Variants in RABGAP1L observed in about 807,000 individuals in gnomAD.
The protein encoded by RABGAP1L is rab GTPase-activating protein 1-like.
RABGAP1L carries 63 observed loss-of-function variants against 137.7 expected under a neutral mutation model. That is an observed-to-expected ratio of 0.46 (90% CI 0.37 to 0.56). RABGAP1L has a LOEUF of 0.56. Among genes scored for constraint, RABGAP1L ranks in the 20% least tolerant of loss-of-function variants. The probability of loss-of-function intolerance (pLI) is 0.00; values close to 1 mark genes in which losing one functional copy is unlikely to be tolerated. For synonymous variants in RABGAP1L, 431 were observed against 433.7 expected (o/e 0.99, Z 0.08); for missense variants, 1,095 against 1,244.0 (o/e 0.88, Z 1.80).
At position 174,443,537 on chromosome 1, in the gene RABGAP1L, A is replaced by G. The variant is rs147493665; in HGVS notation, c.1710+49392A>G. Among the ~76,000 whole-genome samples the G allele has an allele frequency of 1.7e-3, 260 of 152,054 alleles. 2 individuals are homozygous for G. The highest frequency in any genetic ancestry group is 2.2e-3 in the Non-Finnish European group (151 of 67,842). ...CTATGTCCTCCTGTGAGAAATGTCT[A>G]TTCAGATCTTTTGCTGACTTTTTAA... is the stretch of plus-strand genomic sequence containing the variant. On this transcript the variant is annotated intron_variant, in intron 13 of 25. Coordinates refer to ENST00000681986, the MANE Select transcript of RABGAP1L (RefSeq NM_001366446.1).
At chr1:174,780,307 A>C (rs1183050619) in intron 18 of RABGAP1L, among the ~76,000 whole-genome samples, 1 of 151,908 alleles carries the variant, frequency 6.6e-6, no homozygotes, top group Non-Finnish European at 1.5e-5. Context: ...GATGATTCCA[A>C]CCTCACCATG....
chr1:174,795,448 C>A lies in RABGAP1L; in HGVS notation c.2212-16384C>A, dbSNP rs562952238. 2.6e-5 allele frequency among the ~76,000 whole-genome samples: 4 copies of A among 152,214 alleles called. No individual in the cohort carries two copies. In the East Asian group the frequency reaches 7.7e-4, roughly 29 times the overall value. On this transcript the variant is annotated intron_variant, in intron 18 of 25. Transcript: ENST00000681986. Reference sequence around the variant, plus strand: ...CTAGTCTTTATCTGTCATAAGTTTCCCCATATATTTGCCTTCCTACAATTT... The same window carrying A: ...CTAGTCTTTATCTGTCATAAGTTTCACCATATATTTGCCTTCCTACAATTT...
chr1:174,640,045 A>G (rs1553223193), intron 14 of RABGAP1L, among the ~76,000 whole-genome samples: 1 of 152,200 alleles, frequency 6.6e-6, no homozygotes, highest in Non-Finnish European at 1.5e-5. Context: ...AGAAAACAAA[A>G]TTACATTAGA....
intron 11 of RABGAP1L, among the ~76,000 whole-genome samples, chr1:174,315,382 G>T (rs1225961017): frequency 6.6e-6 from 1 of 151,988 alleles, no homozygotes; most frequent in African/African-American, 2.4e-5. Flanking sequence ...GTCTATATGT[G>T]TCCGTGTAGG....
intron 24 of RABGAP1L, among the ~76,000 whole-genome samples, chr1:174,984,667 A>G (rs886340641): frequency 7.9e-5 from 12 of 152,314 alleles, no homozygotes; most frequent in Middle Eastern, 3.4e-3. Flanking sequence ...ACTTGAACCC[A>G]GGAGGCAGAG....
intron 13 of RABGAP1L, among the ~76,000 whole-genome samples, chr1:174,560,706 C>A (rs1667155224): frequency 6.6e-6 from 1 of 152,060 alleles, no homozygotes; most frequent in Admixed American, 6.5e-5. Flanking sequence ...TTTGGCCATC[C>A]TCCCCTTCGC....
At chr1:174,848,486 A>C (rs1428841679) in intron 19 of RABGAP1L, among the ~76,000 whole-genome samples, 23 of 148,152 alleles carry the variant, frequency 1.6e-4, no homozygotes, top group East Asian at 3.9e-4. Context: ...AATACCCTGC[A>C]GTGTGAGGTG....
At chr1:174,942,059 T>C (rs950706565) in intron 19 of RABGAP1L, among the ~76,000 whole-genome samples, 1 of 152,200 alleles carries the variant, frequency 6.6e-6, no homozygotes, top group Non-Finnish European at 1.5e-5. Context: ...ATAGGGACAC[T>C]GGGAGCCAAT....
intron 13 of RABGAP1L, among the ~76,000 whole-genome samples, chr1:174,585,511 A>G (rs1481266207): frequency 6.6e-6 from 1 of 152,250 alleles, no homozygotes; most frequent in Non-Finnish European, 1.5e-5. Flanking sequence ...GCCCAGATCC[A>G]GTAGATTTGC....
chr1:174,759,595 C>CAA (rs36043682), intron 18 of RABGAP1L, among the ~76,000 whole-genome samples: 50 of 101,426 alleles, frequency 4.9e-4, no homozygotes, highest in Admixed American at 5.2e-4. Flanking sequence ...ACTCTGTCTC[C>CAA]AAAAAAAAAA....
intron 18 of RABGAP1L, chr1:174,757,118 A>G: frequency 2.1e-6 from 1 of 473,866 alleles, no homozygotes; most frequent in Admixed American, 2.4e-5. Flanking sequence ...GGAGGTTGTA[A>G]TCTTGTTCAG....
At chr1:174,364,644 T>A (rs1684457036) in intron 11 of RABGAP1L, among the ~76,000 whole-genome samples, 1 of 152,242 alleles carries the variant, frequency 6.6e-6, no homozygotes, top group East Asian at 1.9e-4. Context: ...GGCATATGGT[T>A]GCTCATAGTA....
At chr1:174,606,233 T>C (rs1670784924) in intron 13 of RABGAP1L, among the ~76,000 whole-genome samples, 1 of 152,172 alleles carries the variant, frequency 6.6e-6, no homozygotes, top group Non-Finnish European at 1.5e-5. Context: ...AGAAAAATAA[T>C]TACAAATGGC....
At chr1:174,424,458 A>C (rs1236254764) in intron 13 of RABGAP1L, among the ~76,000 whole-genome samples, 1 of 152,118 alleles carries the variant, frequency 6.6e-6, no homozygotes, top group East Asian at 1.9e-4. Context: ...ATATGAAAAA[A>C]TATACACTGC....
intron 14 of RABGAP1L, among the ~76,000 whole-genome samples, chr1:174,640,407 A>G (rs117951725): frequency 6.6e-6 from 1 of 152,068 alleles, no homozygotes; most frequent in South Asian, 2.1e-4. Flanking sequence ...TTTGAACCAC[A>G]GTCTTTTATT....
intron 13 of RABGAP1L, among the ~76,000 whole-genome samples, chr1:174,532,883 T>TA (rs1280702770): frequency 1.3e-5 from 2 of 152,294 alleles, no homozygotes; most frequent in Non-Finnish European, 2.9e-5. Flanking sequence ...TAAAAACTGA[T>TA]AAAAAACTAT....
chr1:174,358,161 T>C (rs1683802094), intron 11 of RABGAP1L, among the ~76,000 whole-genome samples: 1 of 152,116 alleles, frequency 6.6e-6, no homozygotes, highest in Admixed American at 6.5e-5. Flanking sequence ...TTTTTTTTTT[T>C]CCAGTGAACA....
chr1:174,420,915 T>A (rs1347460422), intron 13 of RABGAP1L, among the ~76,000 whole-genome samples: 1 of 152,150 alleles, frequency 6.6e-6, no homozygotes, highest in Non-Finnish European at 1.5e-5. Flanking sequence ...GACTTCATGA[T>A]CTGCCCTCCT....
chr1:174,188,150 G>T (rs1666946044), intron 1 of RABGAP1L, among the ~76,000 whole-genome samples: 1 of 152,170 alleles, frequency 6.6e-6, no homozygotes, highest in African/African-American at 2.4e-5. Flanking sequence ...TCTATAGAGT[G>T]TGGTTTCTTG....
Sources: gnomAD v4.1 joint callset for allele counts (sites outside exome capture counted in the v4.1 genomes callset) on GRCh38, gnomAD v4.1.1 for gene constraint, MANE v1.5 for transcripts, NCBI Gene and HGNC (gene_info 2026-07-23, HGNC 2026-07-21) for gene names.